Variants in TTC39B observed in about 807,000 individuals in gnomAD.
TTC39B encodes tetratricopeptide repeat protein 39B.
TTC39B carries 92 observed loss-of-function variants against 96.6 expected under a neutral mutation model. The observed-to-expected ratio is 0.95, with a 90% CI of 0.80 to 1.13. TTC39B has a LOEUF of 1.13. Ranked by LOEUF, TTC39B falls within the 50% of genes most tolerant of loss-of-function variation. TTC39B has a pLI of 0.00. For synonymous variants in TTC39B, 367 were observed against 299.4 expected (o/e 1.23, Z -2.33); for missense variants, 955 against 809.3 (o/e 1.18, Z -2.18).
chr9:15,202,672 A>C (rs1819610159), intron 7 of TTC39B, among the ~76,000 whole-genome samples: 1 of 150,832 alleles, frequency 6.6e-6, no homozygotes, highest in South Asian at 2.1e-4. Context: ...AGATCATGCC[A>C]CTGTACTCCA....
chr9:15,209,079 G>T (rs1171052039), intron 6 of TTC39B, among the ~76,000 whole-genome samples: 2 of 152,104 alleles, frequency 1.3e-5, no homozygotes, highest in African/African-American at 4.8e-5. Flanking sequence ...CCTCTTCAGA[G>T]AACATGTTTG....
At chr9:15,176,513 C>T (rs962340227) in intron 18 of TTC39B, among the ~76,000 whole-genome samples, 2 of 152,076 alleles carry the variant, frequency 1.3e-5, no homozygotes, top group African/African-American at 4.8e-5. Flanking sequence ...CAGGTGGCCA[C>T]GGATGGAAAG....
At position 15,176,243 on chromosome 9, in the gene TTC39B, A is replaced by G. The variant is rs532006837; in HGVS notation, c.1842-1108T>C. On this transcript the variant is annotated intron_variant, in intron 18 of 19. Coordinates refer to ENST00000512701, the Ensembl canonical transcript of TTC39B. ...AATGAAGGTGAGTTCACAATCCACA[A>G]TTATAAAGCACATGAGCAAACAATT... Among the ~76,000 whole-genome samples, 36 of 152,358 alleles carry G rather than the reference A, an allele frequency of 2.4e-4. No homozygotes were observed. The South Asian group carries it at 7.5e-3, about 32-fold the overall frequency.
chr9:15,229,939 G>A (rs1344662590), intron 2 of TTC39B, among the ~76,000 whole-genome samples: 1 of 152,168 alleles, frequency 6.6e-6, no homozygotes, highest in Non-Finnish European at 1.5e-5. Flanking sequence ...TTTTGACTGG[G>A]AATTCATTAC....
chr9:15,191,139 A>C, intron 10 of TTC39B, 51 bp downstream of exon 10: 1 of 1,352,922 alleles, frequency 7.4e-7, no homozygotes, highest in Non-Finnish European at 1.1e-6. Flanking sequence ...CATGTTCAAT[A>C]AATACTGTCT....
intron 2 of TTC39B, among the ~76,000 whole-genome samples, chr9:15,260,674 G>T (rs1035360783): frequency 6.6e-6 from 1 of 152,016 alleles, no homozygotes; most frequent in Non-Finnish European, 1.5e-5. Context: ...TACAATTTAT[G>T]GTTCGAAAGA....
At chr9:15,209,056 G>C (rs955836218) in intron 6 of TTC39B, among the ~76,000 whole-genome samples, 3 of 152,074 alleles carry the variant, frequency 2.0e-5, no homozygotes, top group Non-Finnish European at 4.4e-5. Context: ...GTATATTCTA[G>C]TATTTTGTGT....
intron 4 of TTC39B, among the ~76,000 whole-genome samples, chr9:15,211,946 T>G (rs563270342): frequency 6.6e-6 from 1 of 152,234 alleles, no homozygotes; most frequent in East Asian, 1.9e-4. Flanking sequence ...CTGAAGTTCC[T>G]GATTAAAGTT....
At chr9:15,215,063 G>A (rs1207964739) in intron 3 of TTC39B, among the ~76,000 whole-genome samples, 1 of 152,118 alleles carries the variant, frequency 6.6e-6, no homozygotes, top group Non-Finnish European at 1.5e-5. Context: ...AGACCAGCCT[G>A]GGCAACAGAG....
At position 15,222,999 on chromosome 9, in the gene TTC39B, TTC is replaced by T. The variant is rs1026581471; in HGVS notation, c.371+2916_371+2917del. On this transcript the variant is annotated intron_variant, in intron 3 of 19. Transcript: ENST00000512701. ...CAGGGTGCAGAGTCTTTCCTCATTT[TTC>T]CAGGGACCTTAACACAGTTGTTTCA... 2.3e-3 allele frequency among the ~76,000 whole-genome samples: 352 copies of T among 152,336 alleles called. 2 individuals carry two copies. Among genetic ancestry groups the T allele is most frequent in the African/African-American group, 8.1e-3 (338 of 41,582 alleles).
At chr9:15,177,628 T>A in intron 18 of TTC39B, 69 bp downstream of exon 18, 1 of 1,044,396 alleles carries the variant, frequency 9.6e-7, no homozygotes, top group South Asian at 1.4e-5. Context: ...GCATTTTGCA[T>A]CACTTTCTCA....
intron 4 of TTC39B, among the ~76,000 whole-genome samples, chr9:15,211,670 T>C (rs551192607): frequency 2.0e-5 from 3 of 152,294 alleles, no homozygotes; most frequent in Admixed American, 1.3e-4. Flanking sequence ...TGCAGGCAGA[T>C]TGCAAGCAAA....
intron 2 of TTC39B, among the ~76,000 whole-genome samples, chr9:15,256,607 T>C (rs1489634082): frequency 1.3e-5 from 2 of 152,058 alleles, no homozygotes; most frequent in Non-Finnish European, 2.9e-5. Context: ...AATGGAGTGA[T>C]AGAAACAAAC....
At chr9:15,271,393 G>C (rs1292407304) in intron 1 of TTC39B, among the ~76,000 whole-genome samples, 1 of 152,124 alleles carries the variant, frequency 6.6e-6, no homozygotes, top group Non-Finnish European at 1.5e-5. Context: ...AACCTTTTTG[G>C]CACCAGGGAC....
At chr9:15,172,088 G>A in exon 20 of TTC39B, 1 of 1,612,124 alleles carries the variant, frequency 6.2e-7, no homozygotes, top group South Asian at 1.1e-5. Flanking sequence ...TGGACTCCAG[G>A]GAGTAATCTT....
intron 3 of TTC39B, among the ~76,000 whole-genome samples, chr9:15,223,200 G>T (rs370098439): frequency 2.6e-5 from 4 of 152,282 alleles, no homozygotes; most frequent in South Asian, 4.2e-4. Flanking sequence ...TCCTTTTGTG[G>T]GAAGATTCTC....
At chr9:15,284,692 A>G (rs925376662) in intron 1 of TTC39B, among the ~76,000 whole-genome samples, 1 of 152,212 alleles carries the variant, frequency 6.6e-6, no homozygotes, top group Non-Finnish European at 1.5e-5. Flanking sequence ...TATGACTAGA[A>G]AGTCACAACC....
At chr9:15,203,715 A>G (rs548533953) in intron 7 of TTC39B, 108 bp downstream of exon 7, 1 of 860,128 alleles carries the variant, frequency 1.2e-6, no homozygotes, top group South Asian at 2.1e-5. Context: ...TGCCATTACA[A>G]CTCTAAGTCA....
At chr9:15,203,499 G>A (rs1215813603) in intron 7 of TTC39B, among the ~76,000 whole-genome samples, 1 of 151,434 alleles carries the variant, frequency 6.6e-6, no homozygotes, top group Non-Finnish European at 1.5e-5. Flanking sequence ...GACCTCAGGT[G>A]ATCCGCCCAC....
Sources: allele counts gnomAD v4.1 joint callset (sites outside exome capture counted in the v4.1 genomes callset), GRCh38; gene constraint gnomAD v4.1.1; transcripts MANE v1.5; gene names NCBI Gene and HGNC (gene_info 2026-07-23, HGNC 2026-07-21).